NAALADL2: variants seen among roughly 807,000 people sequenced by gnomAD.
NAALADL2 encodes N-acetylated alpha-linked acidic dipeptidase like 2.
Under a neutral mutation model 87.2 loss-of-function variants are expected in NAALADL2, and 76 were observed. The ratio of observed to expected loss-of-function variants is 0.87; its 90% CI spans 0.72 to 1.05. The LOEUF (loss-of-function observed/expected upper bound fraction) is 1.05, where lower values mean the gene tolerates loss of function less well. Among genes scored for constraint, NAALADL2 ranks in the 50% least tolerant of loss-of-function variants. The pLI is 0.00. For missense variants in NAALADL2, 1,089 were observed against 945.8 expected, an observed-to-expected ratio of 1.15 and a Z score of -1.99; for synonymous variants, 354 against 331.0, an observed-to-expected ratio of 1.07 and a Z score of -0.75.
chr3:174,486,310 T>C (rs1381600727), intron 1 of NAALADL2, among the ~76,000 whole-genome samples: 2 of 152,080 alleles, frequency 1.3e-5, no homozygotes, highest in Non-Finnish European at 2.9e-5. Flanking sequence ...TCATTCCTTT[T>C]CTTCTCCCTC....
At chr3:175,117,102 A>G (rs894023025) in intron 2 of NAALADL2, among the ~76,000 whole-genome samples, 17 of 152,146 alleles carry the variant, frequency 1.1e-4, no homozygotes, top group African/African-American at 4.1e-4. Context: ...ACCTTGTACA[A>G]AAATTAATTC....
At chr3:174,576,570 T>C (rs1265844393) in intron 2 of NAALADL2, among the ~76,000 whole-genome samples, 3 of 152,212 alleles carry the variant, frequency 2.0e-5, no homozygotes, top group African/African-American at 7.2e-5. Context: ...ATGTATTTAC[T>C]GCTGAATGGA....
At chr3:175,174,777 G>A (rs1017223815) in intron 2 of NAALADL2, among the ~76,000 whole-genome samples, 5 of 132,660 alleles carry the variant, frequency 3.8e-5, no homozygotes, top group Non-Finnish European at 8.5e-5. Flanking sequence ...TCATGTGTGT[G>A]TGTGTGTGTG....
intron 2 of NAALADL2, chr3:175,124,776 TG>T (rs1726683714): frequency 6.6e-6 from 1 of 152,018 alleles, no homozygotes; most frequent in African/African-American, 2.4e-5. Flanking sequence ...GCAATATGGG[TG>T]TTTCAAGAAA....
chr3:174,535,558 T>C (rs1721644308), intron 1 of NAALADL2, among the ~76,000 whole-genome samples: 1 of 152,176 alleles, frequency 6.6e-6, no homozygotes, highest in Admixed American at 6.5e-5. Context: ...CCGGGAGCCG[T>C]ACTAGGTGAT....
chr3:175,423,051 A>ATTTTTT (rs201372383), intron 5 of NAALADL2, among the ~76,000 whole-genome samples: 2 of 91,502 alleles, frequency 2.2e-5, no homozygotes, highest in African/African-American at 8.4e-5. Flanking sequence ...ATATATATAT[A>ATTTTTT]TTTTTTTTTT....
chr3:174,898,931 A>G (rs1731965105), intron 1 of NAALADL2, among the ~76,000 whole-genome samples: 2 of 152,174 alleles, frequency 1.3e-5, no homozygotes, highest in Non-Finnish European at 2.9e-5. Context: ...TAGTAGTTGC[A>G]TGGGTGTTCA....
chr3:175,044,175 T>C (rs540204673), intron 1 of NAALADL2, among the ~76,000 whole-genome samples: 1 of 152,280 alleles, frequency 6.6e-6, no homozygotes, highest in Non-Finnish European at 1.5e-5. Context: ...AGCTTGTTCT[T>C]AGTGTGTAGA....
At chr3:175,305,485 G>A (rs1373965581) in intron 4 of NAALADL2, among the ~76,000 whole-genome samples, 2 of 151,876 alleles carry the variant, frequency 1.3e-5, no homozygotes, top group African/African-American at 4.8e-5. Flanking sequence ...TTTGTTTAGT[G>A]CTTTCAGGTT....
chr3:175,789,974 G>A (rs1697814323), intron 13 of NAALADL2, among the ~76,000 whole-genome samples: 1 of 152,066 alleles, frequency 6.6e-6, no homozygotes. Flanking sequence ...TGACAACAGA[G>A]TCTAGAGCAT....
At chr3:175,590,762 T>C (rs749203307) in intron 10 of NAALADL2, among the ~76,000 whole-genome samples, 10 of 152,130 alleles carry the variant, frequency 6.6e-5, no homozygotes, top group Non-Finnish European at 4.4e-5. Flanking sequence ...AACAAAGTCA[T>C]AGAAGTTCCG....
intron 3 of NAALADL2, among the ~76,000 whole-genome samples, chr3:174,836,374 T>A (rs1176908369): frequency 6.6e-6 from 1 of 152,082 alleles, no homozygotes; most frequent in Non-Finnish European, 1.5e-5. Context: ...GCGTTTCAGT[T>A]TCACAACATG....
chr3:175,344,318 A>C (rs1375748097), intron 5 of NAALADL2, among the ~76,000 whole-genome samples: 3 of 152,024 alleles, frequency 2.0e-5, no homozygotes, highest in Non-Finnish European at 4.4e-5. Flanking sequence ...TGCAAAGGAC[A>C]GGAAGTCATG....
Position 174,790,053 on chromosome 3 carries a change from G to T in NAALADL2, c.-9+52307G>T, listed in dbSNP as rs79298884. 2.6e-3 allele frequency among the ~76,000 whole-genome samples: 396 copies of T among 152,206 alleles called. 1 individual carries two copies. Among genetic ancestry groups the T allele is most frequent in the African/African-American group, 9.1e-3 (380 of 41,546 alleles). On this transcript the variant is annotated intron_variant, in intron 3 of 3. Transcript: ENST00000434257. ...CTCTGAAAACTAGATACTACTCTTG[G>T]CTCTCTTTCACCACACTCAAGGGAG...
chr3:175,646,700 C>T (rs1301370823), intron 11 of NAALADL2, among the ~76,000 whole-genome samples: 2 of 152,056 alleles, frequency 1.3e-5, no homozygotes, highest in Non-Finnish European at 2.9e-5. Flanking sequence ...ATCTATATGC[C>T]ATATTGCCTT....
chr3:174,542,376 G>A, intron 1 of NAALADL2, among the ~76,000 whole-genome samples: 1 of 152,144 alleles, frequency 6.6e-6, no homozygotes, highest in Non-Finnish European at 1.5e-5. Flanking sequence ...ACTCTGCTTA[G>A]TGTTGGAAGA....
intron 11 of NAALADL2, among the ~76,000 whole-genome samples, chr3:175,635,493 A>G (rs899827687): frequency 6.6e-6 from 1 of 152,178 alleles, no homozygotes; most frequent in Admixed American, 6.5e-5. Flanking sequence ...ACATGCATAA[A>G]TCAGAATGGA....
chr3:175,221,336 G>A (rs1432339595), intron 2 of NAALADL2, among the ~76,000 whole-genome samples: 2 of 151,838 alleles, frequency 1.3e-5, no homozygotes, highest in African/African-American at 4.8e-5. Context: ...ATTCCATTGA[G>A]TTCATGGCAT....
chr3:175,522,744 T>A (rs12486351), intron 9 of NAALADL2, among the ~76,000 whole-genome samples: 35,433 of 152,164 alleles, frequency 0.23, 5,867 homozygotes, highest in African/African-American at 0.47. Flanking sequence ...AATTTAAAAC[T>A]TGCCTGCTTT....
Sources: gnomAD v4.1 joint callset for allele counts (sites outside exome capture counted in the v4.1 genomes callset) on GRCh38, gnomAD v4.1.1 for gene constraint, MANE v1.5 for transcripts, NCBI Gene and HGNC (gene_info 2026-07-23, HGNC 2026-07-21) for gene names.